The following PCDHA3 variants were observed in gnomAD, a reference collection of about 807,000 sequenced individuals.
PCDHA3 encodes protocadherin alpha 3, also known as protocadherin alpha-3.
A neutral mutation model predicts 62.2 loss-of-function variants in PCDHA3; 41 were observed. The ratio of observed to expected loss-of-function variants is 0.66; its 90% CI spans 0.51 to 0.86. The LOEUF (loss-of-function observed/expected upper bound fraction) is 0.86, where lower values mean the gene tolerates loss of function less well. Ranked by LOEUF, PCDHA3 falls within the 40% of genes least tolerant of loss-of-function variation. The probability of loss-of-function intolerance (pLI) is 0.00; values close to 1 mark genes in which losing one functional copy is unlikely to be tolerated. For missense variants in PCDHA3, 1,304 were observed against 1,241.2 expected, an observed-to-expected ratio of 1.05 and a Z score of -0.76; for synonymous variants, 640 against 555.4, an observed-to-expected ratio of 1.15 and a Z score of -2.14.
At chr5:140,960,476 A>G (rs900807612) in intron 1 of PCDHA3, among the ~76,000 whole-genome samples, 3 of 152,178 alleles carry the variant, frequency 2.0e-5, no homozygotes, top group South Asian at 2.1e-4. Context: ...TCCTTCTTAC[A>G]CAGAGGTGTA....
Position 140,874,848 on chromosome 5 carries a change from T to G in PCDHA3, c.2394+71257T>G, listed in dbSNP as rs143666233. ...GAAATATTGTTTGGTATTAGACATATTTTAGTTTCTTATCCTTTGTTAAAT... is the reference window on the plus strand; with the variant it reads ...GAAATATTGTTTGGTATTAGACATAGTTTAGTTTCTTATCCTTTGTTAAAT... On this transcript the variant is annotated intron_variant, in intron 1 of 3. Transcript: ENST00000522353. Among the ~76,000 whole-genome samples the G allele has an allele frequency of 6.0e-4, 92 of 152,344 alleles. 1 individual carries two copies. The East Asian group carries it at 0.017, about 27-fold the overall frequency.
At position 140,937,762 on chromosome 5, in the gene PCDHA3, A is replaced by T. The variant is rs955142751; in HGVS notation, c.2395-41187A>T. Among the ~76,000 whole-genome samples, 6 of 151,868 alleles carry T rather than the reference A, an allele frequency of 4.0e-5. No individual in the cohort carries two copies. The South Asian group carries it at 6.2e-4, about 16-fold the overall frequency. On this transcript the variant is annotated intron_variant, in intron 1 of 3. Coordinates refer to ENST00000522353, the MANE Select transcript of PCDHA3 (RefSeq NM_018906.3). ...CCCGTCTCTACTAAAAATACAAAAA[A>T]TTAGTCGGGCGTGGTGGCGGGCGTA... is the stretch of plus-strand genomic sequence containing the variant.
chr5:140,815,561 C>G (rs2126665588), intron 1 of PCDHA3: 1 of 151,632 alleles, frequency 6.6e-6, no homozygotes, highest in Non-Finnish European at 1.5e-5. Flanking sequence ...TTTTTCTGTA[C>G]TTTTGTCTTT....
rs782060470 is a variant in PCDHA3, at chr5:140,801,219, G to A, written c.22G>A (p.Asp8Asn). 2.5e-6 allele frequency: 4 copies of A among 1,607,490 alleles called. No homozygotes were observed. Among genetic ancestry groups the A allele is most frequent in the African/African-American group, 2.7e-5 (2 of 74,620 alleles). ...TGCAATGTTGTTCTCCTGGCGAGAA[G>A]ATCCTGGAGCCCAGTGCCTGCTGCT... MLFSWRE[D>N]PGAQCLLLSL... The change falls in exon 1 of 4, where the codon GAT becomes AAT. Residue 8 changes from aspartate to asparagine, a missense_variant. By Grantham distance (23) the Asp-to-Asn change is conservative. Transcript: ENST00000522353.
intron 3 of PCDHA3, among the ~76,000 whole-genome samples, chr5:140,987,383 G>A (rs2097252098): frequency 6.6e-6 from 1 of 152,138 alleles, no homozygotes; most frequent in Admixed American, 6.5e-5. Flanking sequence ...GGGTCAGAAT[G>A]CATGCAAGGA....
chr5:140,882,319 G>T, intron 1 of PCDHA3: 3 of 1,614,136 alleles, frequency 1.9e-6, no homozygotes, highest in Non-Finnish European at 2.5e-6. Flanking sequence ...TACTGCTCTG[G>T]CTTCTGATCC....
rs2150486474 is a variant in PCDHA3, at chr5:140,850,498, C to T, written c.2394+46907C>T. On this transcript the variant is annotated intron_variant, in intron 1 of 3. Coordinates refer to ENST00000522353, the MANE Select transcript of PCDHA3 (RefSeq NM_018906.3). ...ACGGCCACGGCCACTGTGCTGGTGTCGCTGGTGGAGAGCGGCCAGGCGCCA... is the reference window on the plus strand; with the variant it reads ...ACGGCCACGGCCACTGTGCTGGTGTTGCTGGTGGAGAGCGGCCAGGCGCCA... 30 of 1,598,138 alleles carry T rather than the reference C, an allele frequency of 1.9e-5. 3 individuals are homozygous for T. Among genetic ancestry groups the T allele is most frequent in the Non-Finnish European group, 2.6e-5 (30 of 1,167,764 alleles).
At chr5:140,876,810 C>A in intron 1 of PCDHA3, 2 of 1,614,154 alleles carry the variant, frequency 1.2e-6, no homozygotes, top group Non-Finnish European at 1.7e-6. Flanking sequence ...TGGAGGTGGC[C>A]GACGTGAACG....
In PCDHA3 at chr5:140,830,061, C is replaced by T. The variant is rs2150180450; in HGVS notation, c.2394+26470C>T. On this transcript the variant is annotated intron_variant, in intron 1 of 3. Coordinates refer to ENST00000522353, the MANE Select transcript of PCDHA3 (RefSeq NM_018906.3). ...GTGCTGGTGAAAGACCACGGTGAGCCGGCGCTGACAGCGACGGCCACGGTT... is the reference window on the plus strand; with the variant it reads ...GTGCTGGTGAAAGACCACGGTGAGCTGGCGCTGACAGCGACGGCCACGGTT... The T allele has an allele frequency of 3.7e-6, 6 of 1,613,604 alleles. No individual in the cohort carries two copies. In the African/African-American group the frequency reaches 5.3e-5, roughly 14 times the overall value.
At chr5:140,874,926 A>C (rs1282020251) in intron 1 of PCDHA3, among the ~76,000 whole-genome samples, 1 of 152,228 alleles carries the variant, frequency 6.6e-6, no homozygotes, top group Non-Finnish European at 1.5e-5. Flanking sequence ...GTGAAGGTTA[A>C]AAGTTATTGA....
At chr5:140,814,223 T>TTTG (rs1554126424) in intron 1 of PCDHA3, 1 of 152,626 alleles carries the variant, frequency 6.6e-6, no homozygotes, top group Non-Finnish European at 1.5e-5. Flanking sequence ...AGTGTTTTTT[T>TTTG]TTGTTGTTGT....
intron 1 of PCDHA3, among the ~76,000 whole-genome samples, chr5:140,976,889 T>A (rs2096736169): frequency 6.6e-6 from 1 of 152,218 alleles, no homozygotes; most frequent in Admixed American, 6.5e-5. Context: ...TTAGGATACA[T>A]GCAACAGTAT....
chr5:140,870,853 G>C (rs1554164757), intron 1 of PCDHA3: 2 of 1,613,888 alleles, frequency 1.2e-6, no homozygotes, highest in South Asian at 2.2e-5. Context: ...ACCGCGGTCG[G>C]TGGGTGCGGG....
intron 3 of PCDHA3, among the ~76,000 whole-genome samples, chr5:141,008,842 T>C (rs1554261951): frequency 6.6e-6 from 1 of 152,214 alleles, no homozygotes; most frequent in East Asian, 1.9e-4. Context: ...TCTTACGCTG[T>C]GTATTCCCAT....
intron 1 of PCDHA3, among the ~76,000 whole-genome samples, chr5:140,904,190 C>T (rs1292555686): frequency 6.6e-6 from 1 of 151,916 alleles, no homozygotes; most frequent in Non-Finnish European, 1.5e-5. Flanking sequence ...CCCTTCCCAC[C>T]CTTTCCCCCT....
At chr5:140,835,237 T>C (rs1271413656) in intron 1 of PCDHA3, 1 of 1,599,540 alleles carries the variant, frequency 6.3e-7, no homozygotes, top group Non-Finnish European at 8.5e-7. Context: ...TCCAGTGATG[T>C]TTCTCCAGAT....
intron 1 of PCDHA3, among the ~76,000 whole-genome samples, chr5:140,894,069 T>C (rs1209752630): frequency 2.6e-5 from 4 of 152,196 alleles, no homozygotes; most frequent in African/African-American, 9.6e-5. Flanking sequence ...TTTAAATACA[T>C]TTATTTTATT....
intron 1 of PCDHA3, chr5:140,831,253 C>T (rs1343986683): frequency 6.6e-6 from 1 of 152,124 alleles, no homozygotes; most frequent in African/African-American, 2.4e-5. Flanking sequence ...TCTCTTATTT[C>T]TGTTTGAATT....
intron 1 of PCDHA3, chr5:140,864,826 T>C (rs1297675845): frequency 6.6e-6 from 1 of 152,188 alleles, no homozygotes; most frequent in African/African-American, 2.4e-5. Flanking sequence ...ATTTGGGCTT[T>C]AAGTATAAGA....
Sources: allele counts gnomAD v4.1 joint callset (sites outside exome capture counted in the v4.1 genomes callset), GRCh38; gene constraint gnomAD v4.1.1; transcripts MANE v1.5; gene names NCBI Gene and HGNC (gene_info 2026-07-23, HGNC 2026-07-21).